The following GRIK4 variants were observed in gnomAD, a reference collection of about 807,000 sequenced individuals.
GRIK4 encodes the protein glutamate ionotropic receptor kainate type subunit 4, also known as glutamate receptor ionotropic, kainate 4.
In GRIK4, 40 loss-of-function variants were observed where a neutral mutation model predicts 104.9. The ratio of observed to expected loss-of-function variants is 0.38; its 90% CI spans 0.30 to 0.50. The LOEUF is 0.50. Among genes scored for constraint, GRIK4 ranks in the 20% least tolerant of loss-of-function variants. The pLI, the probability that GRIK4 is intolerant of heterozygous loss-of-function variation, is 0.93. For missense variants in GRIK4, 1,047 were observed against 1,308.1 expected, an observed-to-expected ratio of 0.80 and a Z score of 3.08; for synonymous variants, 485 against 524.9, an observed-to-expected ratio of 0.92 and a Z score of 1.04.
intron 1 of GRIK4, among the ~76,000 whole-genome samples, chr11:120,637,733 G>C (rs1949416661): frequency 6.6e-6 from 1 of 152,062 alleles, no homozygotes; most frequent in African/African-American, 2.4e-5. Flanking sequence ...TTCCGTAGTG[G>C]GGTGTGCCAG....
At chr11:120,882,170 G>A (rs1320656978) in intron 11 of GRIK4, among the ~76,000 whole-genome samples, 2 of 151,868 alleles carry the variant, frequency 1.3e-5, no homozygotes, top group African/African-American at 4.9e-5. Context: ...ACTATGAGCT[G>A]ACCCCATCAT....
intron 1 of GRIK4, among the ~76,000 whole-genome samples, chr11:120,610,757 G>A (rs1259746452): frequency 6.6e-6 from 1 of 152,210 alleles, no homozygotes; most frequent in Non-Finnish European, 1.5e-5. Flanking sequence ...TGCCTGCAGT[G>A]TCTTGAGCTT....
intron 1 of GRIK4, among the ~76,000 whole-genome samples, chr11:120,624,656 G>A (rs1949233355): frequency 6.6e-6 from 1 of 152,086 alleles, no homozygotes; most frequent in Admixed American, 6.5e-5. Context: ...ACCCTGCCGC[G>A]GAGTCTGGGC....
Position 120,986,329 on chromosome 11 carries a change from T to A in GRIK4, c.*69T>A. On this transcript the variant is annotated 3_prime_UTR_variant, in exon 21 of 21. Transcript: ENST00000527524. Reference sequence around the variant, plus strand: ...GGGAGGGGCGGGGCGGGCGCTGCTGTCAGCCGCCAGCCGGAACTTGTACAG... The same window carrying A: ...GGGAGGGGCGGGGCGGGCGCTGCTGACAGCCGCCAGCCGGAACTTGTACAG... 1 of 1,410,260 alleles carries A rather than the reference T, an allele frequency of 7.1e-7. No individual in the cohort carries two copies. The highest frequency in any genetic ancestry group is 9.2e-7 in the Non-Finnish European group (1 of 1,087,296). 87.4% of individuals were successfully genotyped at this position (1,410,260 alleles called of 1,614,324 possible).
intron 1 of GRIK4, among the ~76,000 whole-genome samples, chr11:120,652,588 C>A (rs1047252996): frequency 7.2e-6 from 1 of 139,702 alleles, no homozygotes; most frequent in African/African-American, 2.7e-5. Flanking sequence ...GTCAGGACAG[C>A]AGAGAAGTTC....
chr11:120,708,254 C>T (rs962874974), intron 3 of GRIK4, among the ~76,000 whole-genome samples: 2 of 152,108 alleles, frequency 1.3e-5, no homozygotes, highest in East Asian at 1.9e-4. Flanking sequence ...GCCATGGGCA[C>T]GTGGAAAGAT....
intron 3 of GRIK4, among the ~76,000 whole-genome samples, chr11:120,736,452 C>A (rs113286324): frequency 9.9e-5 from 15 of 152,270 alleles, no homozygotes; most frequent in African/African-American, 3.4e-4. Flanking sequence ...CTAGGTCACT[C>A]CAGTCCACTG....
chr11:120,748,059 C>T (rs564753834), intron 3 of GRIK4, among the ~76,000 whole-genome samples: 12 of 152,300 alleles, frequency 7.9e-5, no homozygotes, highest in African/African-American at 2.2e-4. Context: ...CTCTAAGAAG[C>T]GCCATTGGGG....
At chr11:120,966,682 A>C (rs1944389632) in intron 18 of GRIK4, among the ~76,000 whole-genome samples, 1 of 152,118 alleles carries the variant, frequency 6.6e-6, no homozygotes, top group Non-Finnish European at 1.5e-5. Context: ...GTGAGAAATT[A>C]ATTTAAATAA....
intron 1 of GRIK4, among the ~76,000 whole-genome samples, chr11:120,567,366 C>G (rs1378807057): frequency 6.6e-6 from 1 of 151,556 alleles, no homozygotes; most frequent in South Asian, 2.1e-4. Flanking sequence ...TCTGTATTGC[C>G]CAGGTTGGTC....
intron 3 of GRIK4, among the ~76,000 whole-genome samples, chr11:120,702,196 C>T (rs933475939): frequency 1.3e-5 from 2 of 152,098 alleles, no homozygotes; most frequent in Non-Finnish European, 2.9e-5. Context: ...CCTTGTGATC[C>T]GCAGGCCTCG....
chr11:120,732,380 G>A (rs892205621), intron 3 of GRIK4, among the ~76,000 whole-genome samples: 30 of 152,100 alleles, frequency 2.0e-4, no homozygotes, highest in Admixed American at 1.2e-3. Flanking sequence ...TGATCTGCCC[G>A]CCTTGGCCTC....
At chr11:120,694,111 G>A (rs368009759) in intron 3 of GRIK4, among the ~76,000 whole-genome samples, 7 of 152,168 alleles carry the variant, frequency 4.6e-5, no homozygotes, top group East Asian at 1.9e-4. Context: ...GCATCTGGAC[G>A]AGACGTCCAG....
intron 1 of GRIK4, among the ~76,000 whole-genome samples, chr11:120,652,769 T>G (rs1949638427): frequency 6.6e-6 from 1 of 151,744 alleles, no homozygotes; most frequent in African/African-American, 2.4e-5. Context: ...CTGACCCACC[T>G]CAGAAAATCA....
chr11:120,969,833 G>C (rs189739521), intron 19 of GRIK4, among the ~76,000 whole-genome samples: 2 of 152,304 alleles, frequency 1.3e-5, no homozygotes, highest in Admixed American at 1.3e-4. Flanking sequence ...TGATTGATAA[G>C]TGAAATAGAA....
chr11:120,563,285 G>T (rs759772264), intron 1 of GRIK4, among the ~76,000 whole-genome samples: 5 of 152,156 alleles, frequency 3.3e-5, no homozygotes, highest in Non-Finnish European at 7.4e-5. Context: ...CCACTTGGAA[G>T]GCGGCTGCCT....
chr11:120,622,119 T>G (rs577730585), intron 1 of GRIK4, among the ~76,000 whole-genome samples: 20 of 152,258 alleles, frequency 1.3e-4, no homozygotes, highest in African/African-American at 3.9e-4. Context: ...CAGGCTGATC[T>G]CAAACTCCTG....
intron 3 of GRIK4, among the ~76,000 whole-genome samples, chr11:120,754,401 C>T (rs1006422440): frequency 2.6e-5 from 4 of 152,168 alleles, no homozygotes; most frequent in Non-Finnish European, 5.9e-5. Flanking sequence ...AAGGCTCATC[C>T]GGGTTGTAGC....
intron 11 of GRIK4, among the ~76,000 whole-genome samples, chr11:120,887,892 A>G (rs1326091921): frequency 6.6e-6 from 1 of 152,192 alleles, no homozygotes; most frequent in Non-Finnish European, 1.5e-5. Flanking sequence ...CTGAGGGGTG[A>G]CATTCAGGCT....
Sources: allele counts gnomAD v4.1 joint callset (sites outside exome capture counted in the v4.1 genomes callset), GRCh38; gene constraint gnomAD v4.1.1; transcripts MANE v1.5; gene names NCBI Gene and HGNC (gene_info 2026-07-23, HGNC 2026-07-21).